The following PXDN variants were observed in gnomAD, a reference collection of about 807,000 sequenced individuals.
The protein encoded by PXDN is peroxidasin homolog.
Under a neutral mutation model 140.3 loss-of-function variants are expected in PXDN, and 77 were observed. That is an observed-to-expected ratio of 0.55 (90% CI 0.46 to 0.66). PXDN has a LOEUF of 0.66. Among genes scored for constraint, PXDN ranks in the 30% least tolerant of loss-of-function variants. The pLI is 0.00. For synonymous variants in PXDN, 911 were observed against 857.4 expected (o/e 1.06, Z -1.09); for missense variants, 1,838 against 2,039.5 (o/e 0.90, Z 1.90).
At position 1,651,652 on chromosome 2, in the gene PXDN, C is replaced by A. The variant is rs945303953; in HGVS notation, c.2104+1976G>T. ...AACGTGCCCCACCTCCAAGACTCTG[C>A]ATGTGTGGTCCCCTCAGATGCTCCA... On this transcript the variant is annotated intron_variant, in intron 16 of 22. Coordinates refer to ENST00000252804, the MANE Select transcript of PXDN (RefSeq NM_012293.3). The surrounding 1 kb of genome is among the most constrained non-coding windows in gnomAD (Gnocchi z 4.4). 1.3e-5 allele frequency among the ~76,000 whole-genome samples: 2 copies of A among 152,216 alleles called. No individual in the cohort carries two copies. Among genetic ancestry groups the A allele is most frequent in the Non-Finnish European group, 2.9e-5 (2 of 68,044 alleles).
chr2:1,716,208 A>C (rs1214545451), intron 1 of PXDN, among the ~76,000 whole-genome samples: 1 of 152,072 alleles, frequency 6.6e-6, no homozygotes, highest in Non-Finnish European at 1.5e-5. Flanking sequence ...CAGGCTGAGG[A>C]GGGTGGATCA....
At position 1,680,312 on chromosome 2, in the gene PXDN, G is replaced by A. The variant is rs770528896; in HGVS notation, c.611C>T (p.Ala204Val). ...CTCCGCGTAGGTTTTCAGCAAATCC[G>A]CCAACCACAGGATTTCACAGTCGCA... is the stretch of plus-strand genomic sequence containing the variant. ...LHCDCEILWL[A>V]DLLKTYAESG... The change falls in exon 7 of 23, where the codon GCG becomes GTG. Residue 204 changes from alanine to valine, a missense_variant. Physicochemically the swap from Ala to Val is moderately conservative, Grantham distance 64 (BLOSUM62 0). Around this residue, in one of 5 missense-constraint regions of PXDN, gnomAD observed 208 missense variants for 325.8 expected, o/e 0.64. Coordinates refer to ENST00000252804, the MANE Select transcript of PXDN (RefSeq NM_012293.3). 16 of 1,614,000 alleles carry A rather than the reference G, an allele frequency of 9.9e-6. No homozygotes were observed. The highest frequency in any genetic ancestry group is 2.2e-5 in the East Asian group (1 of 44,878).
chr2:1,642,837 G>A (rs968106195), intron 19 of PXDN, among the ~76,000 whole-genome samples: 1 of 152,138 alleles, frequency 6.6e-6, no homozygotes, highest in Non-Finnish European at 1.5e-5. Context: ...TTGATATCAG[G>A]GCGTCCCTCA....
intron 6 of PXDN, 121 bp from the exon 7 acceptor site, chr2:1,680,483 C>G: frequency 8.1e-7 from 1 of 1,228,788 alleles, no homozygotes; most frequent in Non-Finnish European, 1.2e-6. Context: ...AGGCTTGCGA[C>G]ATGGGGATGG....
At chr2:1,727,183 A>G (rs1363644621) in intron 1 of PXDN, among the ~76,000 whole-genome samples, 1 of 152,180 alleles carries the variant, frequency 6.6e-6, no homozygotes, top group Admixed American at 6.5e-5. Flanking sequence ...AAGCCCTGCG[A>G]GCACACACAG....
rs978920370 is a variant in PXDN, at chr2:1,677,112, C to T, written c.731-68G>A. ...TGACATGAAAATAAATGACAACACA[C>T]GCTGAGTTCTCTGTGTCCAAAAGGA... On this transcript the variant is annotated intron_variant, in intron 7 of 22. Transcript: ENST00000252804. 1.5e-5 allele frequency: 21 copies of T among 1,355,730 alleles called. 2 individuals carry two copies. The highest frequency in any genetic ancestry group is 4.4e-5 in the African/African-American group (3 of 68,470). The allele number at this position is 1,355,730 out of a possible 1,614,324, so 84.0% of individuals were successfully genotyped here. A position where few individuals can be genotyped will look rare whatever the true frequency, so the allele number is the denominator to read the frequency against.
At chr2:1,734,852 T>C (rs1190357817) in intron 1 of PXDN, among the ~76,000 whole-genome samples, 1 of 152,116 alleles carries the variant, frequency 6.6e-6, no homozygotes, top group East Asian at 1.9e-4. Context: ...GGCAACAGAG[T>C]GAGACTCCAT....
chr2:1,647,999 C>A (rs1029789482), intron 17 of PXDN, among the ~76,000 whole-genome samples, 173 bp downstream of exon 17: 1 of 152,114 alleles, frequency 6.6e-6, no homozygotes, highest in African/African-American at 2.4e-5. Context: ...CACAACCACG[C>A]AGCCACGGGA....
intron 7 of PXDN, among the ~76,000 whole-genome samples, chr2:1,677,862 A>C (rs1165885339): frequency 2.0e-5 from 3 of 152,242 alleles, no homozygotes; most frequent in Non-Finnish European, 4.4e-5. Flanking sequence ...AGAAAAACAC[A>C]ACCACACACA....
chr2:1,687,453 G>A lies in PXDN; in HGVS notation c.416+179C>T, dbSNP rs529498049. 3.7e-4 allele frequency among the ~76,000 whole-genome samples: 57 copies of A among 152,258 alleles called. No individual in the cohort carries two copies. The highest frequency in any genetic ancestry group is 1.3e-3 in the African/African-American group (53 of 41,556). ...TGGAGGGCTGGCTGGGTGGAAGGCG[G>A]GGCGGAGGGCAAATGACTCGCCCAT... is the stretch of plus-strand genomic sequence containing the variant. On this transcript the variant is annotated intron_variant, in intron 4 of 22. Coordinates refer to ENST00000252804, the MANE Select transcript of PXDN (RefSeq NM_012293.3). This position sits in a 1 kb window ranked among gnomAD's most constrained non-coding sequence, Gnocchi z 4.0.
chr2:1,687,645 A>T lies in PXDN; in HGVS notation c.403T>A (p.Ser135Thr). 3 of 1,516,658 alleles carry T rather than the reference A, an allele frequency of 2.0e-6. No individual in the cohort carries two copies. The highest frequency in any genetic ancestry group is 2.7e-6 in the Non-Finnish European group (3 of 1,096,316). 94.0% of individuals were successfully genotyped at this position (1,516,658 alleles called of 1,614,324 possible). A position where few individuals can be genotyped will look rare whatever the true frequency, so the allele number is the denominator to read the frequency against. Residue 135 changes from serine (S) to threonine (T), a missense_variant, in exon 4 of 23, where the codon TCT (serine) becomes ACT (threonine). Ser to Thr is a moderately conservative substitution (Grantham distance 58). Coordinates refer to ENST00000252804, the MANE Select transcript of PXDN (RefSeq NM_012293.3). The surrounding 1 kb of genome is among the most constrained non-coding windows in gnomAD (Gnocchi z 4.0). The part of the protein sequence containing the change: ...IDRQAFKGLA[S>T]LEQLYLHFNQ... ...AGGGGCACTTACAGTTGCTCTAGAG[A>T]GGCAAGTCCCTTAAATGCTTGCCTG...
intron 1 of PXDN, among the ~76,000 whole-genome samples, chr2:1,718,535 TACTA>T (rs760157008): frequency 2.9e-4 from 44 of 152,026 alleles, no homozygotes; most frequent in Admixed American, 7.2e-4. Flanking sequence ...GAAGCTACTC[TACTA>T]ACTTACTCCA....
intron 9 of PXDN, among the ~76,000 whole-genome samples, chr2:1,668,315 A>C (rs1683493454): frequency 6.6e-6 from 1 of 152,266 alleles, no homozygotes; most frequent in African/African-American, 2.4e-5. Flanking sequence ...GATGGATTAA[A>C]GACTTAAACA....
At chr2:1,661,980 C>T (rs969497096) in intron 13 of PXDN, 92 bp downstream of exon 13, 25 of 1,185,090 alleles carry the variant, frequency 2.1e-5, no homozygotes, top group Non-Finnish European at 2.9e-5. Flanking sequence ...GGCACTGGTC[C>T]GCCTACCTTG....
In PXDN at chr2:1,685,358, T is replaced by TCCGCGCGG. The variant is rs1684028269; in HGVS notation, c.417-1208_417-1207insCCGCGCGG. Among the ~76,000 whole-genome samples the TCCGCGCGG allele has an allele frequency of 6.6e-6, 1 of 152,216 alleles. No homozygotes were observed. The highest frequency in any genetic ancestry group is 1.5e-5 in the Non-Finnish European group (1 of 68,048). On this transcript the variant is annotated intron_variant, in intron 4 of 22. Transcript: ENST00000252804. The surrounding 1 kb of genome is among the most constrained non-coding windows in gnomAD (Gnocchi z 5.1). ...TGGGCGAGCATGACGGGCGGGCACCTGACGCGCGGGTCCCGAGGAAGGCCG... is the reference window on the plus strand; with the variant it reads ...TGGGCGAGCATGACGGGCGGGCACCTCCGCGCGGGACGCGCGGGTCCCGAGGAAGGCCG...
At chr2:1,674,001 T>C (rs1215277368) in intron 8 of PXDN, among the ~76,000 whole-genome samples, 189 bp from the exon 9 acceptor site, 1 of 152,196 alleles carries the variant, frequency 6.6e-6, no homozygotes, top group Non-Finnish European at 1.5e-5. Flanking sequence ...ACCGTGTATT[T>C]GCACATCTCA....
chr2:1,636,594 A>G (rs916304513), intron 21 of PXDN: 1 of 152,086 alleles, frequency 6.6e-6, no homozygotes, highest in African/African-American at 2.4e-5. Context: ...TGCCTCAGAT[A>G]CGGCTTCTAA....
rs1684025736 is a variant in PXDN at position 1,685,304 on chromosome 2, CTG to C, written c.417-1155_417-1154del. Among the ~76,000 whole-genome samples, 1 of 152,228 alleles carries C rather than the reference CTG, an allele frequency of 6.6e-6. No homozygotes were observed. Among genetic ancestry groups the C allele is most frequent in the Admixed American group, 6.5e-5 (1 of 15,286 alleles). ...ATGGGAAACGTGAGGGAAGGAAAAA[CTG>C]GAGCAGGAAGACAAGGAAAACCGCC... is the stretch of plus-strand genomic sequence containing the variant. On this transcript the variant is annotated intron_variant, in intron 4 of 22. Transcript: ENST00000252804. This position sits in a 1 kb window ranked among gnomAD's most constrained non-coding sequence, Gnocchi z 5.1.
At chr2:1,726,192 T>C (rs1423138489) in intron 1 of PXDN, among the ~76,000 whole-genome samples, 1 of 151,734 alleles carries the variant, frequency 6.6e-6, no homozygotes, top group Admixed American at 6.6e-5. Flanking sequence ...TGTCCAACAA[T>C]GATAGACTGG....
Sources: gnomAD v4.1 joint callset for allele counts (sites outside exome capture counted in the v4.1 genomes callset) on GRCh38, gnomAD v4.1.1 for gene constraint, gnomAD v4.1.1 regional missense constraint, Gnocchi (gnomAD v3.1) non-coding constraint, MANE v1.5 for transcripts, NCBI Gene and HGNC (gene_info 2026-07-23, HGNC 2026-07-21) for gene names.